The following RGS5 variants were observed in gnomAD, a reference collection of about 807,000 sequenced individuals.
The protein encoded by RGS5 is regulator of G protein signaling 5.
In RGS5, 20 loss-of-function variants were observed where a neutral mutation model predicts 18.9. The ratio of observed to expected loss-of-function variants is 1.06; its 90% CI spans 0.74 to 1.54. The LOEUF (loss-of-function observed/expected upper bound fraction) is 1.54, where lower values mean the gene tolerates loss of function less well. Among genes scored for constraint, RGS5 ranks in the 40% most tolerant of loss-of-function variants. The pLI is 0.00. For synonymous variants in RGS5, 57 were observed against 76.2 expected, an observed-to-expected ratio of 0.75 and a Z score of 1.31; for missense variants, 201 against 211.8, an observed-to-expected ratio of 0.95 and a Z score of 0.32.
At chr1:163,194,692 T>C (rs1394470667) in intron 1 of RGS5, among the ~76,000 whole-genome samples, 1 of 152,044 alleles carries the variant, frequency 6.6e-6, no homozygotes, top group Non-Finnish European at 1.5e-5. Context: ...AGGAAGCCTA[T>C]TGACTGAGAG....
chr1:163,295,345 T>C (rs1649395661), intron 2 of RGS5, among the ~76,000 whole-genome samples: 1 of 152,188 alleles, frequency 6.6e-6, no homozygotes. Context: ...CCCTCCAAAC[T>C]AAAAAACTAG....
At chr1:163,285,824 A>G (rs7545891) in intron 2 of RGS5, among the ~76,000 whole-genome samples, 95,652 of 151,552 alleles carry the variant, frequency 0.63, 30,617 homozygotes, top group Non-Finnish European at 0.68. Flanking sequence ...GACCGTGCCT[A>G]CTTCCCCTTT....
At chr1:163,230,382 A>AT (rs1282064291) in intron 2 of RGS5, among the ~76,000 whole-genome samples, 4 of 152,202 alleles carry the variant, frequency 2.6e-5, no homozygotes, top group Admixed American at 2.6e-4. Flanking sequence ...GGCCAAAAAA[A>AT]GAAAAAAATG....
At chr1:163,215,429 C>T (rs1465858943) in intron 1 of RGS5, among the ~76,000 whole-genome samples, 1 of 152,146 alleles carries the variant, frequency 6.6e-6, no homozygotes, top group African/African-American at 2.4e-5. Flanking sequence ...TTTAACTTAT[C>T]TAAAGTACCT....
chr1:163,295,226 T>C (rs533670919), intron 2 of RGS5, among the ~76,000 whole-genome samples: 5 of 152,310 alleles, frequency 3.3e-5, no homozygotes, highest in African/African-American at 9.6e-5. Flanking sequence ...ATTAACTGTA[T>C]TAGTCTGTTC....
chr1:163,152,527 G>A, intron 4 of RGS5, 23 bp downstream of exon 4: 1 of 1,596,512 alleles, frequency 6.3e-7, no homozygotes, highest in Non-Finnish European at 8.5e-7. Context: ...GCCCTTAACT[G>A]ACCCACCTAC....
intron 1 of RGS5, among the ~76,000 whole-genome samples, chr1:163,312,332 C>T (rs145338259): frequency 7.2e-5 from 11 of 152,296 alleles, no homozygotes; most frequent in African/African-American, 2.6e-4. Context: ...CAGTCTTGGG[C>T]AGTTCTTTAT....
chr1:163,271,970 AT>A (rs909405117), intron 2 of RGS5, among the ~76,000 whole-genome samples: 2 of 151,620 alleles, frequency 1.3e-5, no homozygotes, highest in African/African-American at 4.8e-5. Flanking sequence ...TGTCTTATTT[AT>A]TTTTTTATTT....
intron 1 of RGS5, among the ~76,000 whole-genome samples, chr1:163,183,889 T>G (rs1658960060): frequency 6.6e-6 from 1 of 152,172 alleles, no homozygotes; most frequent in Non-Finnish European, 1.5e-5. Context: ...TTCCAATGTT[T>G]AATATGGAAG....
chr1:163,194,654 T>A (rs12140110), intron 1 of RGS5, among the ~76,000 whole-genome samples: 32,864 of 151,902 alleles, frequency 0.22, 4,130 homozygotes, highest in African/African-American at 0.35. Context: ...ACTGTGTTTT[T>A]CAAATAAATT....
intron 2 of RGS5, among the ~76,000 whole-genome samples, chr1:163,284,506 A>G (rs549689968): frequency 1.1e-4 from 17 of 152,292 alleles, no homozygotes; most frequent in African/African-American, 4.1e-4. Context: ...GATTACCAGC[A>G]TATAAAATTC....
intron 2 of RGS5, among the ~76,000 whole-genome samples, chr1:163,251,354 C>A (rs543533518): frequency 6.6e-6 from 1 of 152,116 alleles, no homozygotes; most frequent in South Asian, 2.1e-4. Context: ...ATATTTAGAC[C>A]TTTTTAAAAT....
chr1:163,173,471 G>A (rs908597240), intron 1 of RGS5, among the ~76,000 whole-genome samples: 14 of 152,232 alleles, frequency 9.2e-5, no homozygotes, highest in South Asian at 2.1e-4. Context: ...AAAAGGCCAC[G>A]GACCACCTCA....
At chr1:163,233,814 A>G (rs1436456758) in intron 2 of RGS5, among the ~76,000 whole-genome samples, 1 of 152,200 alleles carries the variant, frequency 6.6e-6, no homozygotes, top group Admixed American at 6.5e-5. Context: ...GCGGGGGACT[A>G]TCACAAAGTA....
At chr1:163,295,438 T>C (rs1174147348) in intron 2 of RGS5, among the ~76,000 whole-genome samples, 3 of 152,192 alleles carry the variant, frequency 2.0e-5, no homozygotes, top group African/African-American at 7.2e-5. Context: ...ACTAACTCAG[T>C]TTCTCGATTG....
chr1:163,289,498 A>G (rs1649226229), intron 2 of RGS5, among the ~76,000 whole-genome samples: 1 of 152,062 alleles, frequency 6.6e-6, no homozygotes, highest in Non-Finnish European at 1.5e-5. Flanking sequence ...ACCTTTTTAA[A>G]TATCTTTGTT....
At chr1:163,220,881 G>T (rs1317922777), upstream of RGS5, among the ~76,000 whole-genome samples, 2 of 152,054 alleles carry the variant, frequency 1.3e-5, no homozygotes, top group East Asian at 3.9e-4. Flanking sequence ...CAAGGAAGGG[G>T]TCATGGAAAG....
At chr1:163,152,281 C>T (rs1383187938) in intron 4 of RGS5, among the ~76,000 whole-genome samples, 1 of 152,138 alleles carries the variant, frequency 6.6e-6, no homozygotes, top group Non-Finnish European at 1.5e-5. Flanking sequence ...AGAGACTCAA[C>T]AATTCATGCA....
chr1:163,188,256 C>T (rs777634324), intron 1 of RGS5, among the ~76,000 whole-genome samples: 13 of 152,264 alleles, frequency 8.5e-5, no homozygotes, highest in East Asian at 3.9e-4. Flanking sequence ...TACAATCCCA[C>T]GGTCATTGTT....
Sources: gnomAD v4.1 joint callset for allele counts (sites outside exome capture counted in the v4.1 genomes callset) on GRCh38, gnomAD v4.1.1 for gene constraint, MANE v1.5 for transcripts, NCBI Gene and HGNC (gene_info 2026-07-23, HGNC 2026-07-21) for gene names.